EMG1: variants seen among roughly 807,000 people sequenced by gnomAD.
EMG1 encodes ribosomal RNA small subunit methyltransferase NEP1.
Under a neutral mutation model 26.9 loss-of-function variants are expected in EMG1, and 24 were observed. The ratio of observed to expected loss-of-function variants is 0.89; its 90% confidence interval spans 0.65 to 1.26. The LOEUF is 1.26. Among genes scored for constraint, EMG1 ranks in the 50% most tolerant of loss-of-function variants. The probability of loss-of-function intolerance (pLI) is 0.00; values close to 1 mark genes in which losing one functional copy is unlikely to be tolerated. For missense variants in EMG1, 299 were observed against 307.6 expected, an observed-to-expected ratio of 0.97 and a Z score of 0.21; for synonymous variants, 140 against 112.6, an observed-to-expected ratio of 1.24 and a Z score of -1.54.
At chr12:6,980,973 C>T (rs1292440478), downstream of EMG1, 3 of 1,543,190 alleles carry the variant, frequency 1.9e-6, no homozygotes, top group East Asian at 2.3e-5. Context: ...GAAATACCTA[C>T]ACAAACATCT....
chr12:6,983,467 G>C (rs142588176), downstream of EMG1: 1 of 1,612,370 alleles, frequency 6.2e-7, no homozygotes, highest in East Asian at 2.2e-5. Flanking sequence ...GCCTGTAAAG[G>C]TATGGAAGAG....
Position 6,971,092 on chromosome 12 carries a change from G to A in EMG1, c.168+1G>A. On this transcript the variant is annotated splice_donor_variant, in intron 1 of 5. Coordinates refer to ENST00000599672, the MANE Select transcript of EMG1 (RefSeq NM_006331.8). LOFTEE classifies it high-confidence loss of function. ...AGGGGCCAGTCTGGAGACAGTCAAGGTAGTTTGGGACAGGAAGTGGAGAAG... is the reference window on the plus strand; with the variant it reads ...AGGGGCCAGTCTGGAGACAGTCAAGATAGTTTGGGACAGGAAGTGGAGAAG... The A allele has an allele frequency of 6.2e-7, 1 of 1,609,278 alleles. No homozygotes were observed. The highest frequency in any genetic ancestry group is 8.5e-7 in the Non-Finnish European group (1 of 1,177,610).
rs946648255 is a variant in EMG1 at position 6,979,141 on chromosome 12, G to A, written c.*3332G>A. ...TCCCTAGAAGTGCCCAAATGTATCAGTCAAGAGAAGAAAATAGGATGGAGA... is the reference window on the plus strand; with the variant it reads ...TCCCTAGAAGTGCCCAAATGTATCAATCAAGAGAAGAAAATAGGATGGAGA... On this transcript the variant is annotated 3_prime_UTR_variant, in exon 6 of 6. Coordinates refer to ENST00000599672, the MANE Select transcript of EMG1 (RefSeq NM_006331.8). 1 of 356,704 alleles carries A rather than the reference G, an allele frequency of 2.8e-6. No individual in the cohort carries two copies. Among genetic ancestry groups the A allele is most frequent in the South Asian group, 4.2e-5 (1 of 23,818 alleles). 22.1% of individuals were successfully genotyped at this position (356,704 alleles called of 1,614,324 possible).
At chr12:6,990,209 TAA>T (rs1389898946), downstream of EMG1, among the ~76,000 whole-genome samples, 20 of 140,688 alleles carry the variant, frequency 1.4e-4, no homozygotes, top group African/African-American at 4.9e-4. Context: ...AATAAATAAA[TAA>T]AAATAAAAAA....
At chr12:6,975,556 A>C in intron 5 of EMG1, 140 bp from the exon 6 acceptor site, 1 of 949,396 alleles carries the variant, frequency 1.1e-6, no homozygotes, top group Non-Finnish European at 1.7e-6. Flanking sequence ...CACAGTTAGG[A>C]CCTTCTTCAT....
chr12:6,990,688 C>A (rs782424912), downstream of EMG1, among the ~76,000 whole-genome samples: 3 of 151,060 alleles, frequency 2.0e-5, no homozygotes, highest in South Asian at 6.2e-4. Flanking sequence ...TTTGGGAGGC[C>A]GAGGTGGGTG....
chr12:6,977,012 T>A lies in EMG1; in HGVS notation c.*1203T>A. The A allele has an allele frequency of 1.4e-6, 1 of 694,564 alleles. No individual in the cohort carries two copies. The highest frequency in any genetic ancestry group is 2.6e-6 in the Non-Finnish European group (1 of 388,958). The allele number at this position is 694,564 out of a possible 1,614,324, so 43.0% of individuals were successfully genotyped here. A position where few individuals can be genotyped will look rare whatever the true frequency, so the allele number is the denominator to read the frequency against. On this transcript the variant is annotated 3_prime_UTR_variant, in exon 6 of 6. Transcript: ENST00000599672. The surrounding 1 kb of genome is among the most constrained non-coding windows in gnomAD (Gnocchi z 4.5). ...CACAGTAGTCATTGCCCATACTGTG[T>A]TCCTTAGTAGCCAGGCTAATCCTTG...
intron 7 of EMG1, among the ~76,000 whole-genome samples, chr12:6,993,640 G>A (rs1463811253): frequency 1.3e-5 from 2 of 152,176 alleles, no homozygotes; most frequent in African/African-American, 4.8e-5. Context: ...GTCAGGCAAT[G>A]TGTAGACCTT....
downstream of EMG1, among the ~76,000 whole-genome samples, chr12:6,982,323 G>A (rs1229424879): frequency 6.6e-6 from 1 of 152,204 alleles, no homozygotes; most frequent in African/African-American, 2.4e-5. Context: ...ACAGGTGTGA[G>A]CCACTTTGCC....
downstream of EMG1, among the ~76,000 whole-genome samples, chr12:6,989,537 A>T (rs1946567806): frequency 6.6e-6 from 1 of 151,980 alleles, no homozygotes; most frequent in South Asian, 2.1e-4. Context: ...TGACCTCGTG[A>T]TCCGCCCGCC....
chr12:6,974,675 C>T lies in EMG1; in HGVS notation c.394C>T (p.Arg132Cys), dbSNP rs1946372504. The change falls in exon 3 of 6, where the codon CGC becomes TGC. Residue 132 changes from arginine (R) to cysteine (C), a missense_variant. Transcript: ENST00000599672. Reference protein sequence around the residue: ...PQTRIPRTFDRFCGLMVQLLH... With the variant: ...PQTRIPRTFDCFCGLMVQLLH... ...GACCCGAATTCCCAGAACCTTTGAC[C>T]GCTTTTGTGGCCTCATGGGTAAGAA... 6.2e-7 allele frequency: 1 copy of T among 1,613,910 alleles called. No homozygotes were observed. The highest frequency in any genetic ancestry group is 8.5e-7 in the Non-Finnish European group (1 of 1,179,874).
At chr12:6,986,238 C>T (rs2138337926) in intron 6 of EMG1, among the ~76,000 whole-genome samples, 1 of 152,320 alleles carries the variant, frequency 6.6e-6, no homozygotes, top group East Asian at 1.9e-4. Flanking sequence ...AACCCTTTCT[C>T]TTTCTCCTCC....
chr12:6,981,337 G>A (rs1430319953), downstream of EMG1: 7 of 687,258 alleles, frequency 1.0e-5, no homozygotes, highest in South Asian at 7.5e-5. Flanking sequence ...GTGGAAATGC[G>A]TATGTGTGTG....
intron 3 of EMG1, 66 bp from the exon 4 acceptor site, chr12:6,975,024 G>A: frequency 6.6e-7 from 1 of 1,511,590 alleles, no homozygotes; most frequent in South Asian, 1.1e-5. Context: ...GGTTTTCCTT[G>A]TTCGATGACT....
At position 6,975,314 on chromosome 12, in the gene EMG1, T is replaced by C. The variant is rs1232720535; in HGVS notation, c.557T>C (p.Val186Ala). ...TSFSIPVVSD[V>A]RELVPSSDPI... The stretch of plus-strand genomic sequence containing the variant: ...TTTTCCATCCCGGTTGTCAGTGATG[T>C]GCGTGAGCTGGTGCCCAGCAGTGAT... Residue 186 changes from valine to alanine, a missense_variant, in exon 5 of 6, where the codon GTG becomes GCG. Physicochemically the swap from Val to Ala is moderately conservative, Grantham distance 64. Coordinates refer to ENST00000599672, the MANE Select transcript of EMG1 (RefSeq NM_006331.8). The C allele has an allele frequency of 2.5e-6, 4 of 1,610,616 alleles. No homozygotes were observed. In the Admixed American group the frequency reaches 5.1e-5, roughly 20 times the overall value.
At chr12:6,992,568 A>G (rs782721199), downstream of EMG1, among the ~76,000 whole-genome samples, 24 of 152,224 alleles carry the variant, frequency 1.6e-4, no homozygotes, top group South Asian at 2.1e-4. Flanking sequence ...TTTTTACCCC[A>G]AAGAGATTCC....
chr12:6,985,089 T>TA (rs10559240), intron 6 of EMG1, among the ~76,000 whole-genome samples: 73 of 112,590 alleles, frequency 6.5e-4, no homozygotes, highest in East Asian at 5.7e-3. Context: ...CCCCATACAT[T>TA]AAAAAAAAAA....
chr12:6,977,004 A>T lies in EMG1; in HGVS notation c.*1195A>T. 5.9e-6 allele frequency: 4 copies of T among 674,588 alleles called. No homozygotes were observed. Among genetic ancestry groups the T allele is most frequent in the Non-Finnish European group, 1.1e-5 (4 of 375,350 alleles). 41.8% of individuals were successfully genotyped at this position (674,588 alleles called of 1,614,324 possible). On this transcript the variant is annotated 3_prime_UTR_variant, in exon 6 of 6. Transcript: ENST00000599672. The surrounding 1 kb of genome is among the most constrained non-coding windows in gnomAD (Gnocchi z 4.5). ...CAATAAGTCACAGTAGTCATTGCCC[A>T]TACTGTGTTCCTTAGTAGCCAGGCT...
intron 6 of EMG1, among the ~76,000 whole-genome samples, chr12:6,985,015 T>C (rs782317569): frequency 6.6e-6 from 1 of 151,962 alleles, no homozygotes; most frequent in African/African-American, 2.4e-5. Context: ...CTCAATTATT[T>C]GTTAAATAAG....
Sources: gnomAD v4.1 joint callset for allele counts (sites outside exome capture counted in the v4.1 genomes callset) on GRCh38, gnomAD v4.1.1 for gene constraint, Gnocchi (gnomAD v3.1) non-coding constraint, MANE v1.5 for transcripts, NCBI Gene and HGNC (gene_info 2026-07-23, HGNC 2026-07-21) for gene names.